Variants in WDR70 observed in about 807,000 individuals in gnomAD.
The protein encoded by WDR70 is WD repeat domain 70.
WDR70 carries 53 observed loss-of-function variants against 88.6 expected under a neutral mutation model. The observed-to-expected ratio is 0.60, with a 90% CI of 0.48 to 0.75. WDR70 has a LOEUF of 0.75. WDR70 is among the 30% of genes least tolerant of loss of function. The pLI, the probability that WDR70 is intolerant of heterozygous loss-of-function variation, is 0.00. For synonymous variants in WDR70, 280 were observed against 270.0 expected (o/e 1.04, Z -0.36); for missense variants, 610 against 823.2 (o/e 0.74, Z 3.17).
intron 8 of WDR70, among the ~76,000 whole-genome samples, chr5:37,480,319 C>A (rs1739623436): frequency 6.6e-6 from 1 of 152,146 alleles, no homozygotes; most frequent in Non-Finnish European, 1.5e-5. Flanking sequence ...TTTTCTCTTG[C>A]CACATGTCTA....
chr5:37,392,961 T>C (rs1012719709), intron 4 of WDR70, among the ~76,000 whole-genome samples: 8 of 151,300 alleles, frequency 5.3e-5, no homozygotes, highest in Admixed American at 4.6e-4. Context: ...TTACTTCTTT[T>C]TGGCAATGCA....
Position 37,516,519 on chromosome 5 carries a change from T to C in WDR70, c.846T>C (p.His282=). Residue 282 remains histidine (H), a synonymous_variant, in exon 9 of 18, where the codon CAT becomes CAC. Transcript: ENST00000265107. ...CCTTTGTCTTTATTTTTAAGGGTCA[T>C]ACAGCAATGCTTCATACTGGCTCAT... ...YIVDMANTKG[H]TAMLHTGSWH... 6.3e-7 allele frequency: 1 copy of C among 1,594,118 alleles called. No homozygotes were observed. The highest frequency in any genetic ancestry group is 8.6e-7 in the Non-Finnish European group (1 of 1,166,662).
At chr5:37,661,265 G>A (rs1455017491) in intron 10 of WDR70, among the ~76,000 whole-genome samples, 2 of 152,226 alleles carry the variant, frequency 1.3e-5, no homozygotes, top group African/African-American at 4.8e-5. Context: ...CTTGATGGCA[G>A]CTGAATGCTG....
At chr5:37,651,786 C>T (rs1384475880) in intron 10 of WDR70, among the ~76,000 whole-genome samples, 1 of 152,080 alleles carries the variant, frequency 6.6e-6, no homozygotes, top group African/African-American at 2.4e-5. Flanking sequence ...ATATCCTTTG[C>T]CCACTTTTTG....
At chr5:37,484,338 C>A (rs1162011857) in intron 8 of WDR70, among the ~76,000 whole-genome samples, 1 of 152,224 alleles carries the variant, frequency 6.6e-6, no homozygotes, top group African/African-American at 2.4e-5. Flanking sequence ...AGATCACTTG[C>A]GGTTAGGAGC....
intron 13 of WDR70, among the ~76,000 whole-genome samples, chr5:37,709,426 AT>A (rs572435307): frequency 6.6e-5 from 10 of 152,214 alleles, no homozygotes; most frequent in Non-Finnish European, 1.3e-4. Context: ...AAAATATTAT[AT>A]TTGCCCACAG....
intron 7 of WDR70, among the ~76,000 whole-genome samples, chr5:37,470,697 A>T (rs1473592339): frequency 6.6e-6 from 1 of 152,164 alleles, no homozygotes; most frequent in East Asian, 1.9e-4. Flanking sequence ...CTGTATGAAT[A>T]TATATCTACT....
intron 9 of WDR70, among the ~76,000 whole-genome samples, chr5:37,593,714 G>A (rs559317962): frequency 2.0e-5 from 3 of 152,260 alleles, no homozygotes; most frequent in Middle Eastern, 3.4e-3. Context: ...AGATCCTTGA[G>A]GAATCGCCAC....
At chr5:37,485,374 T>A (rs1212933081) in intron 8 of WDR70, among the ~76,000 whole-genome samples, 1 of 152,222 alleles carries the variant, frequency 6.6e-6, no homozygotes, top group Non-Finnish European at 1.5e-5. Context: ...GAATTTCAGT[T>A]TGAACAAAGT....
intron 7 of WDR70, among the ~76,000 whole-genome samples, chr5:37,449,614 A>AAAAT (rs1554140452): frequency 3.1e-4 from 37 of 120,758 alleles, no homozygotes; most frequent in Middle Eastern, 4.1e-3. Flanking sequence ...TAAAAAATAA[A>AAAAT]AAATAAATAA....
At chr5:37,575,838 G>T (rs1019917930) in intron 9 of WDR70, among the ~76,000 whole-genome samples, 1 of 152,150 alleles carries the variant, frequency 6.6e-6, no homozygotes, top group Admixed American at 6.5e-5. Context: ...ACTTGCGATT[G>T]GCATCTGAAA....
At chr5:37,442,151 C>T (rs1750675287) in intron 6 of WDR70, among the ~76,000 whole-genome samples, 1 of 151,572 alleles carries the variant, frequency 6.6e-6, no homozygotes, top group South Asian at 2.1e-4. Context: ...AATTCTCCTG[C>T]CTCAGCCTCT....
chr5:37,427,649 G>A (rs1750173197), intron 5 of WDR70, among the ~76,000 whole-genome samples: 1 of 152,136 alleles, frequency 6.6e-6, no homozygotes, highest in African/African-American at 2.4e-5. Context: ...GGCGAGGTGG[G>A]TGGATCGCTT....
intron 13 of WDR70, among the ~76,000 whole-genome samples, chr5:37,710,150 T>C (rs1051613737): frequency 2.6e-5 from 4 of 152,150 alleles, no homozygotes; most frequent in African/African-American, 9.7e-5. Flanking sequence ...TGTTTTTAGT[T>C]AGGGAAGATG....
intron 9 of WDR70, among the ~76,000 whole-genome samples, chr5:37,531,662 T>TCAA (rs1741491324): frequency 6.7e-6 from 1 of 149,260 alleles, no homozygotes; most frequent in East Asian, 2.0e-4. Context: ...TTCCGTGGAA[T>TCAA]GGCTTTTCAG....
chr5:37,456,474 A>G (rs991733634), intron 7 of WDR70, among the ~76,000 whole-genome samples: 1 of 152,236 alleles, frequency 6.6e-6, no homozygotes, highest in African/African-American at 2.4e-5. Flanking sequence ...TGTCACAAAT[A>G]TTCCAGTCTG....
At chr5:37,496,272 C>A (rs1040912712) in intron 8 of WDR70, among the ~76,000 whole-genome samples, 1 of 152,192 alleles carries the variant, frequency 6.6e-6, no homozygotes, top group Non-Finnish European at 1.5e-5. Flanking sequence ...CCCCTTCCAC[C>A]TTGTGGAAGC....
chr5:37,594,389 A>C (rs1252870815), intron 9 of WDR70, among the ~76,000 whole-genome samples: 17 of 152,306 alleles, frequency 1.1e-4, no homozygotes, highest in African/African-American at 4.1e-4. Flanking sequence ...AGCACCATTT[A>C]TTAAAAAGGG....
At chr5:37,572,572 T>G (rs1742940193) in intron 9 of WDR70, among the ~76,000 whole-genome samples, 1 of 152,106 alleles carries the variant, frequency 6.6e-6, no homozygotes, top group African/African-American at 2.4e-5. Flanking sequence ...CCAAGCAACC[T>G]CCTGTCATCC....
Sources: gnomAD v4.1 joint callset for allele counts (sites outside exome capture counted in the v4.1 genomes callset) on GRCh38, gnomAD v4.1.1 for gene constraint, MANE v1.5 for transcripts, NCBI Gene and HGNC (gene_info 2026-07-23, HGNC 2026-07-21) for gene names.